SNTB1: variants seen among roughly 807,000 people sequenced by gnomAD.
SNTB1 encodes syntrophin beta 1.
A neutral mutation model predicts 48.9 loss-of-function variants in SNTB1; 36 were observed. That is an observed-to-expected ratio of 0.74 (90% CI 0.56 to 0.97). The LOEUF is 0.97. Among genes scored for constraint, SNTB1 ranks in the 50% least tolerant of loss-of-function variants. SNTB1 has a pLI of 0.00. For synonymous variants in SNTB1, 299 were observed against 294.6 expected (o/e 1.01, Z -0.15); for missense variants, 786 against 703.4 (o/e 1.12, Z -1.33).
At chr8:120,568,688 A>G (rs1033308519) in intron 4 of SNTB1, among the ~76,000 whole-genome samples, 1 of 152,226 alleles carries the variant, frequency 6.6e-6, no homozygotes, top group Non-Finnish European at 1.5e-5. Context: ...AAGCTCACCT[A>G]CTACTTCGAG....
chr8:120,738,206 T>C (rs1818980931), intron 1 of SNTB1, among the ~76,000 whole-genome samples: 1 of 152,200 alleles, frequency 6.6e-6, no homozygotes, highest in African/African-American at 2.4e-5. Context: ...AGACACCAAA[T>C]CTGCCTTGGA....
At chr8:120,772,613 G>T (rs1055912536) in intron 1 of SNTB1, among the ~76,000 whole-genome samples, 5 of 152,148 alleles carry the variant, frequency 3.3e-5, no homozygotes, top group Non-Finnish European at 5.9e-5. Flanking sequence ...AAAGGAGGAG[G>T]ATAAATGTTT....
intron 2 of SNTB1, among the ~76,000 whole-genome samples, chr8:120,635,008 C>G (rs1817051088): frequency 6.6e-6 from 1 of 152,110 alleles, no homozygotes; most frequent in East Asian, 1.9e-4. Flanking sequence ...CCCGCCACCG[C>G]ACCCAGCTAA....
intron 3 of SNTB1, among the ~76,000 whole-genome samples, chr8:120,586,774 C>T (rs1020077740): frequency 5.3e-5 from 8 of 152,020 alleles, no homozygotes; most frequent in South Asian, 2.1e-4. Flanking sequence ...ACGTATGGAG[C>T]GAAATGACAG....
intron 1 of SNTB1, among the ~76,000 whole-genome samples, chr8:120,730,114 T>A (rs1001803358): frequency 1.3e-5 from 2 of 152,180 alleles, no homozygotes; most frequent in Non-Finnish European, 2.9e-5. Flanking sequence ...CCACCTATCC[T>A]ATGCCAGGAA....
intron 4 of SNTB1, among the ~76,000 whole-genome samples, chr8:120,563,453 T>C (rs1334072803): frequency 1.3e-5 from 2 of 152,126 alleles, no homozygotes; most frequent in Non-Finnish European, 2.9e-5. Context: ...AATGGACTCA[T>C]AGGGGCACCA....
intron 3 of SNTB1, among the ~76,000 whole-genome samples, chr8:120,576,943 T>C (rs2130688825): frequency 6.6e-6 from 1 of 152,300 alleles, no homozygotes; most frequent in Admixed American, 6.5e-5. Flanking sequence ...GTGTTTGGCA[T>C]GGTAGCTGGC....
At chr8:120,735,179 C>T (rs945611351) in intron 1 of SNTB1, among the ~76,000 whole-genome samples, 5 of 152,178 alleles carry the variant, frequency 3.3e-5, no homozygotes, top group Admixed American at 1.3e-4. Context: ...AAAGTTTACA[C>T]AAACCCCAAA....
In SNTB1 at chr8:120,811,267, C is replaced by T. The variant is rs1202854003; in HGVS notation, c.571+6G>A. The T allele has an allele frequency of 6.3e-7, 1 of 1,590,260 alleles. No individual in the cohort carries two copies. The highest frequency in any genetic ancestry group is 1.1e-5 in the South Asian group (1 of 88,964). On this transcript the variant is annotated splice_donor_region_variant and intron_variant, in intron 1 of 6. Coordinates refer to ENST00000517992, the MANE Select transcript of SNTB1 (RefSeq NM_021021.4). ...CGGCGCGGCCCGCGCGCTGTTAACCCCTTACCTTCCAGCAGCACTTCCTTG... is the reference window on the plus strand; with the variant it reads ...CGGCGCGGCCCGCGCGCTGTTAACCTCTTACCTTCCAGCAGCACTTCCTTG...
intron 1 of SNTB1, among the ~76,000 whole-genome samples, chr8:120,768,431 C>T (rs949861016): frequency 5.9e-5 from 9 of 152,304 alleles, no homozygotes; most frequent in Admixed American, 5.2e-4. Flanking sequence ...GTGCAAATAA[C>T]ACTAGCTACA....
Position 120,538,559 on chromosome 8 carries a change from C to T in SNTB1, c.*318G>A, listed in dbSNP as rs1815234592. On this transcript the variant is annotated 3_prime_UTR_variant, in exon 7 of 7. Transcript: ENST00000517992. ...GGAACTGGGATGATTAAGATCTGCA[C>T]ATGCTGTTCTAATGGTCATGTCCTT... 1 of 447,698 alleles carries T rather than the reference C, an allele frequency of 2.2e-6. No homozygotes were observed. Among genetic ancestry groups the T allele is most frequent in the Admixed American group, 2.4e-5 (1 of 42,136 alleles). 27.7% of individuals were successfully genotyped at this position (447,698 alleles called of 1,614,324 possible). A position where few individuals can be genotyped will look rare whatever the true frequency, so the allele number is the denominator to read the frequency against.
At chr8:120,748,876 C>G (rs73323143) in intron 1 of SNTB1, among the ~76,000 whole-genome samples, 19,752 of 152,122 alleles carry the variant, frequency 0.13, 1,664 homozygotes, top group African/African-American at 0.23. Flanking sequence ...GTGGGACTTC[C>G]AGTAAGTCAT....
At position 120,811,274 on chromosome 8, in the gene SNTB1, T is replaced by C. The variant is rs1488382336; in HGVS notation, c.570A>G (p.Glu190=). ...LKRAGKEVLL[E]VKYMREATPY... ...GCCCGCGCGCTGTTAACCCCTTACC[T>C]TCCAGCAGCACTTCCTTGCCCGCGC... Residue 190 remains glutamate (E), a splice_region_variant and synonymous_variant, in exon 1 of 7, where the codon GAA becomes GAG. Transcript: ENST00000517992. 50 of 1,595,258 alleles carry C rather than the reference T, an allele frequency of 3.1e-5. No individual in the cohort carries two copies. The highest frequency in any genetic ancestry group is 4.3e-5 in the Non-Finnish European group (50 of 1,175,878).
At chr8:120,581,971 G>A (rs550289419) in intron 3 of SNTB1, among the ~76,000 whole-genome samples, 1 of 152,198 alleles carries the variant, frequency 6.6e-6, no homozygotes, top group African/African-American at 2.4e-5. Flanking sequence ...GGAGGTGGAA[G>A]TTGCAGTGAG....
chr8:120,539,275 T>C (rs1048096155), intron 6 of SNTB1, among the ~76,000 whole-genome samples: 1 of 139,776 alleles, frequency 7.2e-6, no homozygotes, highest in African/African-American at 3.0e-5. Context: ...ATAGTGATAT[T>C]TATTCATGTT....
intron 3 of SNTB1, 36 bp from the exon 4 acceptor site, chr8:120,575,261 C>T (rs959266324): frequency 6.2e-7 from 1 of 1,613,630 alleles, no homozygotes; most frequent in Non-Finnish European, 8.5e-7. Flanking sequence ...AAATGACAGC[C>T]TGAGGAAAGG....
intron 3 of SNTB1, among the ~76,000 whole-genome samples, chr8:120,608,820 G>A (rs1385127350): frequency 1.3e-5 from 2 of 152,134 alleles, no homozygotes; most frequent in African/African-American, 2.4e-5. Context: ...TTATGAAGAA[G>A]GAAACTGAAT....
At chr8:120,733,089 A>G (rs1818879378) in intron 1 of SNTB1, among the ~76,000 whole-genome samples, 1 of 152,258 alleles carries the variant, frequency 6.6e-6, no homozygotes, top group Admixed American at 6.5e-5. Context: ...TTCATTCAAC[A>G]GGCCCTGACT....
chr8:120,646,983 C>T (rs961281078), intron 2 of SNTB1, among the ~76,000 whole-genome samples: 2 of 151,722 alleles, frequency 1.3e-5, no homozygotes, highest in African/African-American at 4.8e-5. Flanking sequence ...CTGATGGTAG[C>T]TTGTATTTCT....
Sources: gnomAD v4.1 joint callset for allele counts (sites outside exome capture counted in the v4.1 genomes callset) on GRCh38, gnomAD v4.1.1 for gene constraint, MANE v1.5 for transcripts, NCBI Gene and HGNC (gene_info 2026-07-23, HGNC 2026-07-21) for gene names.